The following RALGPS2 variants were observed in gnomAD, a reference collection of about 807,000 sequenced individuals.
RALGPS2 encodes the protein Ral GEF with PH domain and SH3 binding motif 2.
A neutral mutation model predicts 86.8 loss-of-function variants in RALGPS2; 43 were observed. The ratio of observed to expected loss-of-function variants is 0.50; its 90% confidence interval spans 0.39 to 0.64. The LOEUF (loss-of-function observed/expected upper bound fraction) is 0.64. Ranked by LOEUF, RALGPS2 falls within the 30% of genes least tolerant of loss-of-function variation. The pLI, the probability that RALGPS2 is intolerant of heterozygous loss-of-function variation, is 0.00. For missense variants in RALGPS2, 536 were observed against 694.6 expected, an observed-to-expected ratio of 0.77 and a Z score of 2.57; for synonymous variants, 243 against 231.3, an observed-to-expected ratio of 1.05 and a Z score of -0.46.
chr1:178,746,792 C>T (rs1042924530), intron 1 of RALGPS2: 46 of 965,694 alleles, frequency 4.8e-5, no homozygotes, highest in Non-Finnish European at 7.1e-5. Context: ...CTCTCACATA[C>T]GTTTCCGTAG....
At chr1:178,760,877 T>C (rs1254757057) in intron 1 of RALGPS2, among the ~76,000 whole-genome samples, 1 of 152,210 alleles carries the variant, frequency 6.6e-6, no homozygotes, top group Non-Finnish European at 1.5e-5. Flanking sequence ...TTCTCAAATA[T>C]ATTTTCCAGG....
chr1:178,754,165 T>A (rs1321508764), intron 1 of RALGPS2, among the ~76,000 whole-genome samples: 1 of 151,894 alleles, frequency 6.6e-6, no homozygotes, highest in Non-Finnish European at 1.5e-5. Context: ...CTGTATAATT[T>A]GGGAGAATTT....
At chr1:178,895,108 A>G (rs899662688) in intron 16 of RALGPS2, among the ~76,000 whole-genome samples, 60 of 152,060 alleles carry the variant, frequency 3.9e-4, no homozygotes, top group African/African-American at 1.4e-3. Context: ...AGCTCTTAAT[A>G]TGTATCAAAG....
chr1:178,777,210 C>T (rs1312842240), intron 2 of RALGPS2, among the ~76,000 whole-genome samples: 1 of 150,080 alleles, frequency 6.7e-6, no homozygotes, highest in Non-Finnish European at 1.5e-5. Flanking sequence ...GATACAAAAT[C>T]AATGTACAAA....
intron 8 of RALGPS2, among the ~76,000 whole-genome samples, chr1:178,867,822 G>A (rs1050872644): frequency 1.2e-4 from 18 of 151,604 alleles, no homozygotes; most frequent in South Asian, 2.1e-4. Flanking sequence ...GACCCCTCCC[G>A]AAAACAAAGG....
intron 1 of RALGPS2, among the ~76,000 whole-genome samples, chr1:178,769,456 G>T (rs548914595): frequency 6.6e-6 from 1 of 151,584 alleles, no homozygotes; most frequent in Admixed American, 6.6e-5. Flanking sequence ...GGGATGCTCT[G>T]AATACCTGGA....
At chr1:178,871,668 C>T (rs1204790783) in intron 8 of RALGPS2, among the ~76,000 whole-genome samples, 1 of 152,182 alleles carries the variant, frequency 6.6e-6, no homozygotes, top group Non-Finnish European at 1.5e-5. Context: ...ATGCTTAAGA[C>T]TTTTAAATAT....
intron 8 of RALGPS2, among the ~76,000 whole-genome samples, chr1:178,870,301 C>A (rs574082535): frequency 6.6e-6 from 1 of 152,268 alleles, no homozygotes; most frequent in South Asian, 2.1e-4. Context: ...AGAAATCCAA[C>A]AGTTTATGTA....
chr1:178,911,403 A>G (rs1660618056), intron 19 of RALGPS2, among the ~76,000 whole-genome samples: 1 of 151,982 alleles, frequency 6.6e-6, no homozygotes, highest in Admixed American at 6.6e-5. Context: ...TGAGTCTGAT[A>G]TGTTGTGTCT....
chr1:178,745,822 CTTTTTT>C (rs34277622), intron 1 of RALGPS2, among the ~76,000 whole-genome samples: 3 of 86,112 alleles, frequency 3.5e-5, no homozygotes, highest in East Asian at 3.4e-4. Flanking sequence ...TTCAATTCTT[CTTTTTT>C]TTTTTTTTTT....
At chr1:178,860,207 C>G (rs1657905081) in intron 8 of RALGPS2, among the ~76,000 whole-genome samples, 1 of 151,910 alleles carries the variant, frequency 6.6e-6, no homozygotes. Context: ...AAAGACTAAC[C>G]CAAAATGCAG....
chr1:178,748,850 C>CAAAA (rs568753748), intron 1 of RALGPS2, among the ~76,000 whole-genome samples: 2 of 97,458 alleles, frequency 2.1e-5, no homozygotes, highest in Admixed American at 1.0e-4. Flanking sequence ...GACTCTGTCT[C>CAAAA]AAAAAAAAAA....
chr1:178,747,431 G>A lies in RALGPS2; in HGVS notation c.-84+22012G>A, dbSNP rs1261058132. 3.8e-6 allele frequency: 6 copies of A among 1,579,210 alleles called. No individual in the cohort carries two copies. In the East Asian group the frequency reaches 1.1e-4, roughly 29 times the overall value. ...TGACAAGAGCTTCACACTGAATCCT[G>A]TTTCTTTAAACAGCATCTCTTGGTC... On this transcript the variant is annotated intron_variant, in intron 1 of 19. Coordinates refer to ENST00000367635, the MANE Select transcript of RALGPS2 (RefSeq NM_152663.5).
chr1:178,884,953 C>A, intron 11 of RALGPS2, 123 bp from the exon 12 acceptor site: 1 of 956,696 alleles, frequency 1.0e-6, no homozygotes, highest in Non-Finnish European at 1.5e-6. Flanking sequence ...TTCTCATCTT[C>A]AAGCCAATTA....
Position 178,902,196 on chromosome 1 carries a change from A to G in RALGPS2, c.1615A>G (p.Thr539Ala). Residue 539 changes from threonine to alanine, a missense_variant, in exon 18 of 20, where the codon ACT becomes GCT. Physicochemically the swap from Thr to Ala is moderately conservative, Grantham distance 58 (BLOSUM62 0). Transcript: ENST00000367635. ...DPEHPDLFLL[T>A]DSEKGNSYKF... The stretch of plus-strand genomic sequence containing the variant: ...TGAACATCCTGATCTCTTCCTGCTG[A>G]CTGACTCTGAGAAAGGTGAATTGTT... The G allele has an allele frequency of 6.2e-7, 1 of 1,612,050 alleles. No individual in the cohort carries two copies. The highest frequency in any genetic ancestry group is 8.5e-7 in the Non-Finnish European group (1 of 1,178,376).
chr1:178,767,778 A>G (rs1161843702), intron 1 of RALGPS2, among the ~76,000 whole-genome samples: 1 of 152,170 alleles, frequency 6.6e-6, no homozygotes, highest in Non-Finnish European at 1.5e-5. Flanking sequence ...GTGCTTCTCA[A>G]CAGATTCAGG....
At chr1:178,827,150 T>G (rs1363601595) in intron 7 of RALGPS2, among the ~76,000 whole-genome samples, 1 of 152,152 alleles carries the variant, frequency 6.6e-6, no homozygotes, top group African/African-American at 2.4e-5. Flanking sequence ...TGAAAGAAAT[T>G]GAATAAGATA....
intron 6 of RALGPS2, among the ~76,000 whole-genome samples, chr1:178,815,142 G>A (rs976156549): frequency 4.6e-5 from 7 of 152,016 alleles, no homozygotes; most frequent in African/African-American, 1.7e-4. Context: ...GTGCAGTGGT[G>A]CAATCTTGGT....
At chr1:178,804,475 T>G (rs1462527896) in intron 4 of RALGPS2, among the ~76,000 whole-genome samples, 1 of 137,614 alleles carries the variant, frequency 7.3e-6, no homozygotes, top group African/African-American at 2.7e-5. Context: ...CCCCTTCCTG[T>G]GTCCATGTGA....
Sources: allele counts gnomAD v4.1 joint callset (sites outside exome capture counted in the v4.1 genomes callset), GRCh38; gene constraint gnomAD v4.1.1; transcripts MANE v1.5; gene names NCBI Gene and HGNC (gene_info 2026-07-23, HGNC 2026-07-21).